Variants in PLA2G4C observed in about 807,000 individuals in gnomAD.
The protein encoded by PLA2G4C is phospholipase A2 group IVC, also known as cytosolic phospholipase A2 gamma.
In PLA2G4C, 64 loss-of-function variants were observed where a neutral mutation model predicts 73.8. That is an observed-to-expected ratio of 0.87 (90% confidence interval 0.71 to 1.07). The LOEUF (loss-of-function observed/expected upper bound fraction) is 1.07. Among genes scored for constraint, PLA2G4C ranks in the 50% least tolerant of loss-of-function variants. The pLI is 0.00. For missense variants in PLA2G4C, 622 were observed against 665.4 expected (o/e 0.93, Z 0.72); for synonymous variants, 254 against 252.1 (o/e 1.01, Z -0.07).
chr19:48,092,193 G>A (rs1404530065), intron 7 of PLA2G4C, among the ~76,000 whole-genome samples: 1 of 152,150 alleles, frequency 6.6e-6, no homozygotes, highest in Non-Finnish European at 1.5e-5. Context: ...GGAATTACAG[G>A]CATGCACCAC....
At chr19:48,107,699 C>G (rs1320348858) in intron 1 of PLA2G4C, among the ~76,000 whole-genome samples, 1 of 152,156 alleles carries the variant, frequency 6.6e-6, no homozygotes, top group African/African-American at 2.4e-5. Context: ...CGCAGTTATC[C>G]AGAGGCCTGA....
chr19:48,082,170 A>G (rs930336985), intron 10 of PLA2G4C, among the ~76,000 whole-genome samples: 9 of 152,142 alleles, frequency 5.9e-5, no homozygotes, highest in African/African-American at 1.9e-4. Context: ...TTACTACTAC[A>G]TAATTCATCG....
chr19:48,081,448 G>A (rs1351744927), intron 10 of PLA2G4C, among the ~76,000 whole-genome samples: 1 of 151,884 alleles, frequency 6.6e-6, no homozygotes. Context: ...GGAGGGTAGG[G>A]AGGTGGGGAT....
chr19:48,083,392 C>CTTTTTTTTTTTTTTTTGTTTTTTTTTT (rs2030740228), intron 10 of PLA2G4C, among the ~76,000 whole-genome samples: 1 of 105,838 alleles, frequency 9.4e-6, no homozygotes, highest in African/African-American at 3.6e-5. Flanking sequence ...ATTTTCTTTT[C>CTTTTTTTTTTTTTTTTGTTTTTTTTTT]TTTTTTTTTT....
intron 14 of PLA2G4C, among the ~76,000 whole-genome samples, chr19:48,059,243 C>G (rs1968076909): frequency 6.9e-6 from 1 of 144,274 alleles, no homozygotes; most frequent in Non-Finnish European, 1.5e-5. Context: ...TGCACTCCAG[C>G]CTATGTGATA....
At chr19:48,076,606 G>A (rs1027397189) in intron 11 of PLA2G4C, among the ~76,000 whole-genome samples, 1 of 152,216 alleles carries the variant, frequency 6.6e-6, no homozygotes. Flanking sequence ...AGCCAGGTGT[G>A]GTGGCAGTTG....
intron 14 of PLA2G4C, among the ~76,000 whole-genome samples, chr19:48,058,782 C>T (rs937386853): frequency 6.7e-6 from 1 of 149,462 alleles, no homozygotes; most frequent in African/African-American, 2.5e-5. Context: ...CGCACCACAG[C>T]ACACCAGCCT....
intron 11 of PLA2G4C, 139 bp from the exon 12 acceptor site, chr19:48,075,013 C>T (rs2030043721): frequency 1.4e-5 from 8 of 567,624 alleles, no homozygotes; most frequent in Non-Finnish European, 2.5e-5. Context: ...GACCCTCTCT[C>T]CCCTTGCCTT....
chr19:48,090,747 G>A, intron 7 of PLA2G4C: 1 of 318,954 alleles, frequency 3.1e-6, no homozygotes, highest in South Asian at 4.2e-5. Context: ...CAGGCAGGAA[G>A]GGCAAATATT....
chr19:48,052,860 G>C (rs1029290191), intron 16 of PLA2G4C, 137 bp downstream of exon 16: 3 of 849,510 alleles, frequency 3.5e-6, no homozygotes, highest in Non-Finnish European at 5.4e-6. Flanking sequence ...CCCCTGCTGA[G>C]ACGCAAGCTC....
intron 14 of PLA2G4C, among the ~76,000 whole-genome samples, chr19:48,060,539 A>G (rs1482369151): frequency 6.6e-6 from 1 of 152,184 alleles, no homozygotes; most frequent in Non-Finnish European, 1.5e-5. Context: ...GGCATGGTGC[A>G]GAGACTCTGC....
intron 12 of PLA2G4C, among the ~76,000 whole-genome samples, chr19:48,070,754 G>C (rs1319281594): frequency 6.6e-6 from 1 of 152,052 alleles, no homozygotes; most frequent in African/African-American, 2.4e-5. Context: ...GGGGGCGGTG[G>C]GAGGGAAAAC....
At chr19:48,065,865 G>T (rs1031343991) in intron 13 of PLA2G4C, among the ~76,000 whole-genome samples, 4 of 152,028 alleles carry the variant, frequency 2.6e-5, no homozygotes, top group Non-Finnish European at 4.4e-5. Flanking sequence ...GGAGGCCAAG[G>T]TGGGTAGATC....
intron 4 of PLA2G4C, among the ~76,000 whole-genome samples, chr19:48,100,826 A>G (rs1391255641): frequency 7.4e-5 from 11 of 148,354 alleles, no homozygotes; most frequent in Non-Finnish European, 1.6e-4. Context: ...AGGCAGGAGA[A>G]TGGCGTGAAC....
intron 10 of PLA2G4C, among the ~76,000 whole-genome samples, chr19:48,080,719 G>A (rs954761419): frequency 1.3e-4 from 20 of 150,844 alleles, no homozygotes; most frequent in East Asian, 7.8e-4. Context: ...TGAGGCAGGA[G>A]AATCACTTGA....
Position 48,104,682 on chromosome 19 carries a change from C to A in PLA2G4C, c.163G>T (p.Ala55Ser). 1 of 1,614,064 alleles carries A rather than the reference C, an allele frequency of 6.2e-7. No individual in the cohort carries two copies. Among genetic ancestry groups the A allele is most frequent in the South Asian group, 1.1e-5 (1 of 91,078 alleles). ...AGGACCCCAAGGCAGGCAATGTGAG[C>A]CCGCAGTCCTCCGCCTGAGCCCAGC... Reference protein sequence around the residue: ...AVLGSGGGLRAHIACLGVLSE... With the variant: ...AVLGSGGGLRSHIACLGVLSE... The change falls in exon 4 of 17, where the codon GCT (alanine) becomes TCT (serine). Residue 55 changes from alanine (A) to serine (S), a missense_variant. Ala to Ser is a moderately conservative substitution (Grantham distance 99). Coordinates refer to ENST00000599921, the MANE Select transcript of PLA2G4C (RefSeq NM_003706.3).
At chr19:48,099,324 A>T (rs2031776903) in intron 5 of PLA2G4C, among the ~76,000 whole-genome samples, 1 of 152,256 alleles carries the variant, frequency 6.6e-6, no homozygotes, top group Admixed American at 6.5e-5. Context: ...ATGGCCAAGC[A>T]GAGATGGAGA....
At chr19:48,090,082 A>G (rs113870780) in intron 8 of PLA2G4C, 1 of 417,976 alleles carries the variant, frequency 2.4e-6, no homozygotes, top group East Asian at 4.2e-5. Flanking sequence ...TATCACCCGC[A>G]TGGCACAGAG....
intron 15 of PLA2G4C, 94 bp downstream of exon 15, chr19:48,054,783 CT>C: frequency 8.4e-7 from 1 of 1,191,216 alleles, no homozygotes; most frequent in South Asian, 1.3e-5. Context: ...AACCTTCTTC[CT>C]TTGTAAATTA....
Sources: gnomAD v4.1 joint callset for allele counts (sites outside exome capture counted in the v4.1 genomes callset) on GRCh38, gnomAD v4.1.1 for gene constraint, MANE v1.5 for transcripts, NCBI Gene and HGNC (gene_info 2026-07-23, HGNC 2026-07-21) for gene names.